Variants in SNX7 observed in about 807,000 individuals in gnomAD.
SNX7 encodes sorting nexin 7.
A neutral mutation model predicts 48.4 loss-of-function variants in SNX7; 35 were observed. That is an observed-to-expected ratio of 0.72 (90% confidence interval 0.55 to 0.96). The LOEUF (loss-of-function observed/expected upper bound fraction) is 0.96. Ranked by LOEUF, SNX7 falls within the 40% of genes least tolerant of loss-of-function variation. SNX7 has a pLI of 0.00. For synonymous variants in SNX7, 190 were observed against 190.2 expected, an observed-to-expected ratio of 1.00 and a Z score of 0.01; for missense variants, 553 against 548.9, an observed-to-expected ratio of 1.01 and a Z score of -0.07.
chr1:98,665,072 T>C (rs1191289272), intron 1 of SNX7, among the ~76,000 whole-genome samples: 2 of 152,124 alleles, frequency 1.3e-5, no homozygotes, highest in African/African-American at 4.8e-5. Context: ...TTGAATACTG[T>C]ATAAAAGAAA....
chr1:98,696,793 A>C (rs1333227975), intron 5 of SNX7, among the ~76,000 whole-genome samples: 1 of 151,906 alleles, frequency 6.6e-6, no homozygotes, highest in African/African-American at 2.4e-5. Context: ...AGTTCTATTA[A>C]GTAGATTCTG....
In SNX7 at chr1:98,678,171, G is replaced by A. The variant is rs76206267; in HGVS notation, c.181-6714G>A. 3.4e-4 allele frequency among the ~76,000 whole-genome samples: 52 copies of A among 152,276 alleles called. 1 individual carries two copies. Among genetic ancestry groups the A allele is most frequent in the African/African-American group, 1.2e-3 (48 of 41,560 alleles). ...GTAGTGAGGGCTTTAGGCAGCTTAC[G>A]ATTGTAGCGAAAGGTGAAGGACGGC... On this transcript the variant is annotated intron_variant, in intron 1 of 8. Transcript: ENST00000306121.
At chr1:98,727,565 A>G (rs1006615942) in intron 7 of SNX7, among the ~76,000 whole-genome samples, 20 of 152,174 alleles carry the variant, frequency 1.3e-4, no homozygotes, top group Non-Finnish European at 2.8e-4. Flanking sequence ...GAAGGTGGGT[A>G]ATAACGAACT....
At chr1:98,664,134 T>C (rs1272108593) in intron 1 of SNX7, among the ~76,000 whole-genome samples, 2 of 152,214 alleles carry the variant, frequency 1.3e-5, no homozygotes, top group Admixed American at 6.5e-5. Flanking sequence ...AAGCAAACTG[T>C]CCTTCCCTTT....
At chr1:98,673,810 A>G (rs189889695) in intron 1 of SNX7, among the ~76,000 whole-genome samples, 26 of 152,376 alleles carry the variant, frequency 1.7e-4, no homozygotes, top group Non-Finnish European at 2.4e-4. Flanking sequence ...TTATACTTCC[A>G]TCAGATTGTG....
At chr1:98,728,463 T>C (rs1653310522) in intron 7 of SNX7, among the ~76,000 whole-genome samples, 1 of 152,136 alleles carries the variant, frequency 6.6e-6, no homozygotes, top group Non-Finnish European at 1.5e-5. Flanking sequence ...TGGCCTTAAA[T>C]GTAAATGGGC....
At chr1:98,711,702 G>T (rs929734703) in intron 7 of SNX7, among the ~76,000 whole-genome samples, 1 of 152,140 alleles carries the variant, frequency 6.6e-6, no homozygotes, top group Non-Finnish European at 1.5e-5. Flanking sequence ...ATTACGTGTT[G>T]GTTGATGAAG....
chr1:98,701,896 C>G lies in SNX7; in HGVS notation c.1118C>G (p.Thr373Ser), dbSNP rs754628586. 2.5e-6 allele frequency: 4 copies of G among 1,605,556 alleles called. No homozygotes were observed. The Admixed American group carries it at 6.8e-5, about 27-fold the overall frequency. Reference sequence around the variant, plus strand: ...GTTTTGACCTATAAAAAGGCAGATACTGATCTGGTAAGTTTTTAAGTTTCT... The same window carrying G: ...GTTTTGACCTATAAAAAGGCAGATAGTGATCTGGTAAGTTTTTAAGTTTCT... ...VEVLTYKKAD[T>S]DLLPEEIGKL... is the part of the protein sequence containing the mutation. The change falls in exon 7 of 9, where the codon ACT becomes AGT. Residue 373 changes from threonine (T) to serine (S), a missense_variant. Coordinates refer to ENST00000306121, the MANE Select transcript of SNX7 (RefSeq NM_015976.5).
At chr1:98,703,705 A>C (rs1315598195) in intron 7 of SNX7, among the ~76,000 whole-genome samples, 1 of 151,930 alleles carries the variant, frequency 6.6e-6, no homozygotes, top group Non-Finnish European at 1.5e-5. Flanking sequence ...ACATATATAC[A>C]TATAGTTCTT....
chr1:98,698,882 G>C lies in SNX7; in HGVS notation c.1015G>C (p.Val339Leu). ...CCTGCTTCCTGTTGTACATGAGTAC[G>C]TGCTTTATAGTGAAATGTTAATGGT... The part of the protein sequence containing the change: ...EALLPVVHEY[V>L]LYSEMLMGVM... Residue 339 changes from valine (V) to leucine (L), a missense_variant, in exon 6 of 9, where the codon GTG becomes CTG. Transcript: ENST00000306121. 1 of 1,613,574 alleles carries C rather than the reference G, an allele frequency of 6.2e-7. No individual in the cohort carries two copies. The highest frequency in any genetic ancestry group is 2.2e-5 in the East Asian group (1 of 44,864).
At chr1:98,708,996 G>C (rs1050164530) in intron 7 of SNX7, among the ~76,000 whole-genome samples, 1 of 152,146 alleles carries the variant, frequency 6.6e-6, no homozygotes, top group East Asian at 1.9e-4. Context: ...CTTAATCCCA[G>C]TTGCAGAGTT....
At chr1:98,743,134 T>G (rs962848659) in intron 8 of SNX7, among the ~76,000 whole-genome samples, 2 of 151,982 alleles carry the variant, frequency 1.3e-5, no homozygotes, top group Non-Finnish European at 2.9e-5. Flanking sequence ...CAGTCTTATT[T>G]AGGAATGTCA....
At chr1:98,729,249 C>T (rs1320631405) in intron 7 of SNX7, among the ~76,000 whole-genome samples, 12 of 152,036 alleles carry the variant, frequency 7.9e-5, no homozygotes, top group South Asian at 2.1e-4. Context: ...AAAGAAACAA[C>T]GCACCAGAAT....
At chr1:98,736,282 C>A (rs142938492) in intron 7 of SNX7, among the ~76,000 whole-genome samples, 2 of 152,166 alleles carry the variant, frequency 1.3e-5, no homozygotes, top group Non-Finnish European at 2.9e-5. Flanking sequence ...AATTGATGTA[C>A]GTACCCCTTG....
rs1385868215 is a variant in SNX7 at position 98,732,458 on chromosome 1, G to A, written c.1126-5779G>A. On this transcript the variant is annotated intron_variant, in intron 7 of 8. Transcript: ENST00000306121. ...AGTAGTCAATTATGTATTCCTCTCCGTCTCAGTGATGGGCACTTTACATAA... is the reference window on the plus strand; with the variant it reads ...AGTAGTCAATTATGTATTCCTCTCCATCTCAGTGATGGGCACTTTACATAA... Among the ~76,000 whole-genome samples, 17 of 152,088 alleles carry A rather than the reference G, an allele frequency of 1.1e-4. No individual in the cohort carries two copies. The East Asian group carries it at 1.7e-3, about 16-fold the overall frequency.
chr1:98,723,909 G>T (rs1178449205), intron 7 of SNX7, among the ~76,000 whole-genome samples: 1 of 151,544 alleles, frequency 6.6e-6, no homozygotes, highest in African/African-American at 2.4e-5. Context: ...TGGCAGTTTT[G>T]TCTTATTTAT....
intron 8 of SNX7, among the ~76,000 whole-genome samples, chr1:98,755,741 G>A (rs1654810357): frequency 1.3e-5 from 2 of 151,510 alleles, no homozygotes; most frequent in Admixed American, 1.3e-4. Context: ...TGGGATTACA[G>A]GCATGAGCCA....
At chr1:98,693,207 CAGAT>C (rs1651246200) in intron 4 of SNX7, among the ~76,000 whole-genome samples, 2 of 149,996 alleles carry the variant, frequency 1.3e-5, no homozygotes, top group African/African-American at 2.5e-5. Flanking sequence ...GATGGACGGA[CAGAT>C]AGATAATATA....
At chr1:98,700,783 C>G (rs1651708500) in intron 6 of SNX7, among the ~76,000 whole-genome samples, 1 of 151,996 alleles carries the variant, frequency 6.6e-6, no homozygotes, top group African/African-American at 2.4e-5. Context: ...ATCCTTAATG[C>G]TTTTTGGTTA....
Sources: gnomAD v4.1 joint callset for allele counts (sites outside exome capture counted in the v4.1 genomes callset) on GRCh38, gnomAD v4.1.1 for gene constraint, MANE v1.5 for transcripts, NCBI Gene and HGNC (gene_info 2026-07-23, HGNC 2026-07-21) for gene names.